The following ATP13A4 variants were observed in gnomAD, a reference collection of about 807,000 sequenced individuals.
The protein encoded by ATP13A4 is ATPase 13A4, also known as probable cation-transporting ATPase 13A4.
ATP13A4 carries 114 observed loss-of-function variants against 142.5 expected under a neutral mutation model. The observed-to-expected ratio is 0.80, with a 90% CI of 0.69 to 0.93. The LOEUF is 0.93. Among genes scored for constraint, ATP13A4 ranks in the 40% least tolerant of loss-of-function variants. ATP13A4 has a pLI of 0.00. For synonymous variants in ATP13A4, 488 were observed against 514.8 expected, an observed-to-expected ratio of 0.95 and a Z score of 0.70; for missense variants, 1,392 against 1,454.0, an observed-to-expected ratio of 0.96 and a Z score of 0.69.
At chr3:193,457,948 A>G (rs1717733319) in intron 14 of ATP13A4, among the ~76,000 whole-genome samples, 1 of 152,234 alleles carries the variant, frequency 6.6e-6, no homozygotes, top group Non-Finnish European at 1.5e-5. Context: ...TTGCTATAAT[A>G]ATGACCCTAA....
rs369233102 is a variant in ATP13A4 at position 193,519,223 on chromosome 3, G to A, written c.61-4352C>T. Among the ~76,000 whole-genome samples, 15 of 152,248 alleles carry A rather than the reference G, an allele frequency of 9.9e-5. No individual in the cohort carries two copies. In the East Asian group the frequency reaches 1.7e-3, roughly 18 times the overall value. ...AGAAAATTTTGATTTTGAAACCCAT[G>A]GTAAAAGAGGATTGACACTTAATAC... On this transcript the variant is annotated intron_variant, in intron 1 of 29. Coordinates refer to ENST00000342695, the MANE Select transcript of ATP13A4 (RefSeq NM_032279.4).
At chr3:193,579,598 C>T (rs554703623) in intron 2 of ATP13A4, 1 of 152,190 alleles carries the variant, frequency 6.6e-6, no homozygotes, top group South Asian at 2.1e-4. Flanking sequence ...CCCAGTTTTA[C>T]TTATGGTTAA....
rs184324072 is a variant in ATP13A4, at chr3:193,420,450, G to A, written c.2843-5700C>T. 4.7e-4 allele frequency among the ~76,000 whole-genome samples: 70 copies of A among 150,026 alleles called. 2 individuals carry two copies. Among genetic ancestry groups the A allele is most frequent in the African/African-American group, 1.6e-3 (67 of 40,872 alleles). On this transcript the variant is annotated intron_variant, in intron 25 of 29. Coordinates refer to ENST00000342695, the MANE Select transcript of ATP13A4 (RefSeq NM_032279.4). ...AAAGACATTGATGCAGAAACAAAAA[G>A]GAAATACGAAAGAGCGAGACAATAT...
chr3:193,576,333 G>A (rs909283571), intron 2 of ATP13A4, among the ~76,000 whole-genome samples: 11 of 134,224 alleles, frequency 8.2e-5, no homozygotes, highest in African/African-American at 3.2e-4. Context: ...CTGCAGTGGT[G>A]CAATCTCGGC....
chr3:193,537,779 C>T (rs1192631501), intron 1 of ATP13A4, among the ~76,000 whole-genome samples: 3 of 152,102 alleles, frequency 2.0e-5, no homozygotes, highest in African/African-American at 7.2e-5. Context: ...TAAAAAGGAA[C>T]AAACTATCGA....
At chr3:193,578,484 TAG>T (rs1724458826) in intron 2 of ATP13A4, among the ~76,000 whole-genome samples, 1 of 152,196 alleles carries the variant, frequency 6.6e-6, no homozygotes, top group Admixed American at 6.5e-5. Context: ...TCTCCCATTA[TAG>T]AGAGTGTGGT....
rs143274476 is a variant in ATP13A4 at position 193,452,066 on chromosome 3, A to C, written c.2027+2035T>G. Among the ~76,000 whole-genome samples, 189 of 152,294 alleles carry C rather than the reference A, an allele frequency of 1.2e-3. No homozygotes were observed. The Middle Eastern group carries it at 0.017, about 14-fold the overall frequency. Reference sequence around the variant, plus strand: ...CAGCCCTCACTATTCCCCATTGCTCATGTGTCTCCACAGTAAGTGCTTTGT... The same window carrying C: ...CAGCCCTCACTATTCCCCATTGCTCCTGTGTCTCCACAGTAAGTGCTTTGT... On this transcript the variant is annotated intron_variant, in intron 17 of 29. Transcript: ENST00000342695.
intron 2 of ATP13A4, among the ~76,000 whole-genome samples, chr3:193,514,425 T>C (rs964952836): frequency 6.6e-6 from 1 of 152,240 alleles, no homozygotes; most frequent in Non-Finnish European, 1.5e-5. Context: ...TTCTTTATTA[T>C]GGCTGCAGAG....
At chr3:193,536,046 T>A (rs1053637858) in intron 1 of ATP13A4, among the ~76,000 whole-genome samples, 2 of 151,824 alleles carry the variant, frequency 1.3e-5, no homozygotes, top group African/African-American at 4.8e-5. Context: ...GAAAAAAAAG[T>A]CTACCAAACA....
At chr3:193,464,754 C>A (rs1718162702) in intron 12 of ATP13A4, among the ~76,000 whole-genome samples, 186 bp downstream of exon 12, 1 of 151,900 alleles carries the variant, frequency 6.6e-6, no homozygotes, top group Non-Finnish European at 1.5e-5. Context: ...ACCCACTTCT[C>A]CTCTAAACCT....
chr3:193,474,587 AG>A (rs1718831330), intron 8 of ATP13A4, among the ~76,000 whole-genome samples: 1 of 149,786 alleles, frequency 6.7e-6, no homozygotes, highest in South Asian at 2.1e-4. Flanking sequence ...GAAAGAAAGA[AG>A]GAAAGAAAGG....
At chr3:193,510,562 A>C (rs1721089067) in intron 2 of ATP13A4, among the ~76,000 whole-genome samples, 1 of 152,238 alleles carries the variant, frequency 6.6e-6, no homozygotes. Context: ...TTGGTTAAAA[A>C]TCAGAAGTAG....
At chr3:193,488,805 A>T (rs548198060) in intron 7 of ATP13A4, among the ~76,000 whole-genome samples, 2 of 152,148 alleles carry the variant, frequency 1.3e-5, no homozygotes, top group Non-Finnish European at 1.5e-5. Flanking sequence ...TTTTGTTTTT[A>T]AGTTGGGAGA....
At chr3:193,526,871 A>G (rs1056691527) in intron 1 of ATP13A4, among the ~76,000 whole-genome samples, 2 of 152,194 alleles carry the variant, frequency 1.3e-5, no homozygotes, top group Admixed American at 6.5e-5. Context: ...TCTGACTTAG[A>G]CAATGACCAC....
chr3:193,436,739 A>G lies in ATP13A4; in HGVS notation c.2673-995T>C, dbSNP rs1042686043. 4.0e-5 allele frequency among the ~76,000 whole-genome samples: 6 copies of G among 148,734 alleles called. No homozygotes were observed. The East Asian group carries it at 1.3e-3, about 32-fold the overall frequency. On this transcript the variant is annotated intron_variant, in intron 23 of 29. Coordinates refer to ENST00000342695, the MANE Select transcript of ATP13A4 (RefSeq NM_032279.4). ...AGTGTTGGGATTACAGCCATGAGCC[A>G]CCACACCCAGCCTAGATCATACTTC... is the stretch of plus-strand genomic sequence containing the variant.
At chr3:193,543,076 G>A (rs9815331) in intron 1 of ATP13A4, among the ~76,000 whole-genome samples, 19,583 of 151,696 alleles carry the variant, frequency 0.13, 1,396 homozygotes, top group Non-Finnish European at 0.16. Context: ...GCTGAGGCAG[G>A]AGAATGGCGT....
chr3:193,487,283 A>C (rs1719687203), intron 7 of ATP13A4, among the ~76,000 whole-genome samples: 1 of 152,204 alleles, frequency 6.6e-6, no homozygotes, highest in African/African-American at 2.4e-5. Flanking sequence ...ATTAGTAAGC[A>C]AAACACCAAG....
At chr3:193,573,303 A>ATATTTT (rs1553862281) in intron 2 of ATP13A4, among the ~76,000 whole-genome samples, 1 of 99,282 alleles carries the variant, frequency 1.0e-5, no homozygotes, top group Non-Finnish European at 2.2e-5. Flanking sequence ...ATATATATAT[A>ATATTTT]TATACATATA....
intron 1 of ATP13A4, among the ~76,000 whole-genome samples, chr3:193,545,485 A>G (rs1402220549): frequency 6.6e-6 from 1 of 152,134 alleles, no homozygotes; most frequent in Non-Finnish European, 1.5e-5. Context: ...AGTTGAGGAG[A>G]TGGTATTCTG....
Sources: allele counts gnomAD v4.1 joint callset (sites outside exome capture counted in the v4.1 genomes callset), GRCh38; gene constraint gnomAD v4.1.1; transcripts MANE v1.5; gene names NCBI Gene and HGNC (gene_info 2026-07-23, HGNC 2026-07-21).